RNF157: variants seen among roughly 807,000 people sequenced by gnomAD.
RNF157 encodes the protein E3 ubiquitin ligase RNF157.
In RNF157, 55 loss-of-function variants were observed where a neutral mutation model predicts 88.3. The ratio of observed to expected loss-of-function variants is 0.62; its 90% CI spans 0.50 to 0.78. The LOEUF is 0.78. RNF157 is among the 30% of genes least tolerant of loss of function. RNF157 has a pLI of 0.00. For synonymous variants in RNF157, 334 were observed against 341.2 expected (o/e 0.98, Z 0.23); for missense variants, 788 against 860.8 (o/e 0.92, Z 1.06).
At chr17:76,239,622 G>A (rs932130424) in intron 1 of RNF157, among the ~76,000 whole-genome samples, 5 of 146,604 alleles carry the variant, frequency 3.4e-5, no homozygotes, top group African/African-American at 1.3e-4. Flanking sequence ...CCTTCAGCAG[G>A]CAATGGAAGC....
In RNF157 at chr17:76,157,813, G is replaced by T. The variant is rs1328238539; in HGVS notation, c.1413+580C>A. Among the ~76,000 whole-genome samples, 1 of 151,970 alleles carries T rather than the reference G, an allele frequency of 6.6e-6. No homozygotes were observed. The highest frequency in any genetic ancestry group is 2.4e-5 in the African/African-American group (1 of 41,332). On this transcript the variant is annotated intron_variant, in intron 13 of 18. Transcript: ENST00000269391. The surrounding 1 kb of genome is among the most constrained non-coding windows in gnomAD (Gnocchi z 5.6). ...GCTGCATAAACCTTTGTTAAGTGAG[G>T]TCTCTGTGGGACGCACAGAGTAGAA...
At chr17:76,215,481 AAAAG>A (rs1043772376) in intron 1 of RNF157, among the ~76,000 whole-genome samples, 1 of 151,602 alleles carries the variant, frequency 6.6e-6, no homozygotes, top group African/African-American at 2.4e-5. Flanking sequence ...TAAGAAAAAA[AAAAG>A]AAAGAAAGAA....
chr17:76,174,248 C>G (rs1246069054), intron 2 of RNF157, among the ~76,000 whole-genome samples: 1 of 152,124 alleles, frequency 6.6e-6, no homozygotes, highest in Non-Finnish European at 1.5e-5. Context: ...TAAAAGAGGG[C>G]CCCATCATGT....
At chr17:76,221,561 C>A (rs1338141809) in intron 1 of RNF157, among the ~76,000 whole-genome samples, 1 of 152,162 alleles carries the variant, frequency 6.6e-6, no homozygotes, top group Non-Finnish European at 1.5e-5. Context: ...TTTTATTAAA[C>A]CCTTTAATTT....
rs111286512 is a variant in RNF157 at position 76,164,541 on chromosome 17, G to A, written c.720+207C>T. The A allele has an allele frequency of 4.5e-4, 178 of 392,822 alleles. 1 individual carries two copies. Among genetic ancestry groups the A allele is most frequent in the Middle Eastern group, 4.0e-3 (6 of 1,504 alleles). 24.3% of individuals were successfully genotyped at this position (392,822 alleles called of 1,614,324 possible). ...ACCTCAAAAATCAGCATTCCTTTCA[G>A]GCCACCCAAGTCGTTTGTAATAGCT... On this transcript the variant is annotated intron_variant, in intron 8 of 18. Transcript: ENST00000269391.
rs141388552 is a variant in RNF157 at position 76,226,716 on chromosome 17, T to G, written c.88+13437A>C. 3,845 of 1,611,682 alleles carry G rather than the reference T, an allele frequency of 2.4e-3. 43 individuals are homozygous for G. In the Middle Eastern group the frequency reaches 0.025, roughly 11 times the overall value. On this transcript the variant is annotated intron_variant, in intron 1 of 18. Transcript: ENST00000269391. Reference sequence around the variant, plus strand: ...TCCACGTAGTCATCTAAGAGACCTATGCTTTCTTCAGCCCCCAAACCCGAC... The same window carrying G: ...TCCACGTAGTCATCTAAGAGACCTAGGCTTTCTTCAGCCCCCAAACCCGAC...
In RNF157 at chr17:76,167,081, G is replaced by C. The variant is rs2068939073; in HGVS notation, c.489C>G (p.Tyr163Ter). The C allele has an allele frequency of 6.2e-7, 1 of 1,613,196 alleles. No homozygotes were observed. Among genetic ancestry groups the C allele is most frequent in the Non-Finnish European group, 8.5e-7 (1 of 1,179,904 alleles). Residue 163 changes from tyrosine to a stop codon, truncating the protein, a stop_gained, in exon 5 of 19, where the codon TAC becomes TAG. Coordinates refer to ENST00000269391, the MANE Select transcript of RNF157 (RefSeq NM_052916.3). LOFTEE classifies it high-confidence loss of function. ...AGAACTGCTGACACACTCCTCGCTT[G>C]TACTGCACAGTCTCCGACTGGAGGC... is the stretch of plus-strand genomic sequence containing the variant. Reference protein sequence around the residue: ...DNSLQSETVQYKRGVCQQFCL... With the variant: ...DNSLQSETVQ
At chr17:76,221,280 A>T (rs2069978388) in intron 1 of RNF157, among the ~76,000 whole-genome samples, 1 of 152,228 alleles carries the variant, frequency 6.6e-6, no homozygotes, top group African/African-American at 2.4e-5. Context: ...GATACACGCT[A>T]GTGACAGCAA....
intron 3 of RNF157, 58 bp downstream of exon 3, chr17:76,173,644 C>T: frequency 7.6e-7 from 1 of 1,320,150 alleles, no homozygotes; most frequent in Non-Finnish European, 1.1e-6. Flanking sequence ...TGTCCCCCAG[C>T]CCCCAGCCTC....
intron 2 of RNF157, among the ~76,000 whole-genome samples, chr17:76,207,428 GA>G (rs910808692): frequency 5.1e-4 from 76 of 147,808 alleles, no homozygotes; most frequent in African/African-American, 1.3e-3. Context: ...ATCTCTAGGG[GA>G]AAAAAAAAAA....
intron 1 of RNF157, among the ~76,000 whole-genome samples, chr17:76,217,921 G>A (rs1432777982): frequency 6.6e-6 from 1 of 152,116 alleles, no homozygotes; most frequent in South Asian, 2.1e-4. Flanking sequence ...GGTATGAGTG[G>A]GAAGGAGAAA....
At chr17:76,182,008 T>G (rs1341578251) in intron 2 of RNF157, among the ~76,000 whole-genome samples, 5 of 151,914 alleles carry the variant, frequency 3.3e-5, no homozygotes, top group Non-Finnish European at 7.4e-5. Flanking sequence ...AGTACTGAAC[T>G]AGGCCTGAGG....
chr17:76,234,037 C>T (rs919498457), intron 1 of RNF157, among the ~76,000 whole-genome samples: 2 of 152,126 alleles, frequency 1.3e-5, no homozygotes, highest in Admixed American at 6.6e-5. Flanking sequence ...CTCTGGCAGC[C>T]GCAGGCACAG....
In RNF157 at chr17:76,165,301, T is replaced by A. The variant is rs545427714; in HGVS notation, c.672+201A>T. 4.7e-4 allele frequency among the ~76,000 whole-genome samples: 71 copies of A among 152,324 alleles called. 1 individual carries two copies. The South Asian group carries it at 0.012, about 27-fold the overall frequency. The stretch of plus-strand genomic sequence containing the variant: ...CTTTCTTTCTTTTATTTATTTATTT[T>A]TTTTGAGACAGAGCCTCACTCTATC... On this transcript the variant is annotated intron_variant, in intron 7 of 18. Coordinates refer to ENST00000269391, the MANE Select transcript of RNF157 (RefSeq NM_052916.3).
chr17:76,234,743 A>C (rs1057321110), intron 1 of RNF157, among the ~76,000 whole-genome samples: 5 of 152,114 alleles, frequency 3.3e-5, no homozygotes, highest in Non-Finnish European at 7.4e-5. Context: ...TGAGTTCCTT[A>C]TATATTCTAG....
In RNF157 at chr17:76,176,939, G is replaced by A. The variant is rs1486015067; in HGVS notation, c.208-3149C>T. Among the ~76,000 whole-genome samples, 1 of 152,156 alleles carries A rather than the reference G, an allele frequency of 6.6e-6. No individual in the cohort carries two copies. Among genetic ancestry groups the A allele is most frequent in the African/African-American group, 2.4e-5 (1 of 41,440 alleles). On this transcript the variant is annotated intron_variant, in intron 2 of 18. Coordinates refer to ENST00000269391, the MANE Select transcript of RNF157 (RefSeq NM_052916.3). This position sits in a 1 kb window ranked among gnomAD's most constrained non-coding sequence, Gnocchi z 4.2. ...GCCAGGTTCCTGTGCCTCGGGAGGA[G>A]GTTCTGCGCAGCCCGTCTGGGGCTG...
intron 18 of RNF157, among the ~76,000 whole-genome samples, chr17:76,150,155 A>G (rs919584405): frequency 1.3e-5 from 2 of 151,974 alleles, no homozygotes; most frequent in Non-Finnish European, 2.9e-5. Flanking sequence ...TTTCTTGGAA[A>G]ATCTTAGTAT....
At position 76,155,203 on chromosome 17, in the gene RNF157, A is replaced by G; in HGVS notation, c.1764+49T>C. 1.9e-6 allele frequency: 3 copies of G among 1,546,210 alleles called. No individual in the cohort carries two copies. The South Asian group carries it at 3.3e-5, about 17-fold the overall frequency. ...ACTGGCATCCCCAGCCAAGGCCAGCACTCCTCTGGTTGTGGGAAGGGGGCA... is the reference window on the plus strand; with the variant it reads ...ACTGGCATCCCCAGCCAAGGCCAGCGCTCCTCTGGTTGTGGGAAGGGGGCA... On this transcript the variant is annotated intron_variant, in intron 16 of 18. Coordinates refer to ENST00000269391, the MANE Select transcript of RNF157 (RefSeq NM_052916.3).
intron 2 of RNF157, among the ~76,000 whole-genome samples, chr17:76,210,396 C>A (rs200290742): frequency 6.6e-6 from 1 of 151,598 alleles, no homozygotes; most frequent in African/African-American, 2.4e-5. Flanking sequence ...CGAGACCATC[C>A]TGGCTAACAC....
Sources: gnomAD v4.1 joint callset for allele counts (sites outside exome capture counted in the v4.1 genomes callset) on GRCh38, gnomAD v4.1.1 for gene constraint, Gnocchi (gnomAD v3.1) non-coding constraint, MANE v1.5 for transcripts, NCBI Gene and HGNC (gene_info 2026-07-23, HGNC 2026-07-21) for gene names.